Variants in SHTN1 observed in about 807,000 individuals in gnomAD.
SHTN1 encodes the protein shootin 1.
Under a neutral mutation model 83.1 loss-of-function variants are expected in SHTN1, and 42 were observed. The observed-to-expected ratio is 0.51, with a 90% CI of 0.39 to 0.65. The LOEUF is 0.65. Among genes scored for constraint, SHTN1 ranks in the 30% least tolerant of loss-of-function variants. The pLI, the probability that SHTN1 is intolerant of heterozygous loss-of-function variation, is 0.00. For missense variants in SHTN1, 622 were observed against 737.8 expected (o/e 0.84, Z 1.82); for synonymous variants, 224 against 247.7 (o/e 0.90, Z 0.90).
intron 1 of SHTN1, among the ~76,000 whole-genome samples, chr10:116,990,288 T>TTC (rs1391905341): frequency 0.014 from 5 of 370 alleles, no homozygotes; most frequent in African/African-American, 0.025. Flanking sequence ...TTTTTCTTTC[T>TTC]TTTTTTTTTT....
At chr10:117,090,684 A>G (rs1287896967) in intron 1 of SHTN1, among the ~76,000 whole-genome samples, 1 of 152,016 alleles carries the variant, frequency 6.6e-6, no homozygotes, top group East Asian at 1.9e-4. Context: ...ACACAAGGGC[A>G]CCTAGCTATG....
At chr10:117,007,459 T>C (rs1345219990), upstream of SHTN1, among the ~76,000 whole-genome samples, 1 of 150,296 alleles carries the variant, frequency 6.7e-6, no homozygotes, top group East Asian at 2.0e-4. Flanking sequence ...CCTCTTGCAA[T>C]TAATCCCATT....
rs947608554 is a variant in SHTN1 at position 117,113,086 on chromosome 10, G to A, written c.-189+13221C>T. Among the ~76,000 whole-genome samples, 4 of 152,202 alleles carry A rather than the reference G, an allele frequency of 2.6e-5. No homozygotes were observed. In the South Asian group the frequency reaches 8.3e-4, roughly 32 times the overall value. On this transcript the variant is annotated intron_variant, in intron 1 of 17. Transcript: ENST00000392901. ...ATTTATCACGATTAGGTCTGAAACT[G>A]CAGAGTTTTTATCTAGAAACAATAA... is the stretch of plus-strand genomic sequence containing the variant.
chr10:116,888,489 C>T (rs1001690973), intron 16 of SHTN1, among the ~76,000 whole-genome samples: 2 of 152,156 alleles, frequency 1.3e-5, no homozygotes, highest in African/African-American at 4.8e-5. Context: ...GCTGTTCTGA[C>T]AGTTGGGAGG....
intron 2 of SHTN1, among the ~76,000 whole-genome samples, chr10:117,013,337 C>A (rs968461127): frequency 6.6e-5 from 10 of 152,088 alleles, no homozygotes; most frequent in African/African-American, 2.4e-4. Flanking sequence ...CCACGCCCAC[C>A]TAATTTTTGT....
At chr10:117,037,066 A>G (rs1397998931) in intron 2 of SHTN1, among the ~76,000 whole-genome samples, 1 of 152,236 alleles carries the variant, frequency 6.6e-6, no homozygotes, top group African/African-American at 2.4e-5. Flanking sequence ...GCAAGGTTGC[A>G]GGATACAAGG....
chr10:117,085,918 A>ATTTTT (rs35586223), intron 1 of SHTN1, among the ~76,000 whole-genome samples: 10 of 121,084 alleles, frequency 8.3e-5, no homozygotes, highest in East Asian at 2.4e-4. Context: ...GCTTTGTCTG[A>ATTTTT]TTTTTTTTTT....
chr10:117,048,024 T>C (rs1852691500), intron 2 of SHTN1, among the ~76,000 whole-genome samples: 1 of 152,152 alleles, frequency 6.6e-6, no homozygotes, highest in Non-Finnish European at 1.5e-5. Context: ...AACAAACTAC[T>C]GAAGATCAGT....
chr10:116,924,904 C>A (rs1281399494), intron 11 of SHTN1, among the ~76,000 whole-genome samples: 1 of 151,844 alleles, frequency 6.6e-6, no homozygotes, highest in East Asian at 1.9e-4. Context: ...ACTACAGGCA[C>A]CCACCACGCC....
intron 12 of SHTN1, among the ~76,000 whole-genome samples, chr10:116,918,136 G>A (rs1040741458): frequency 2.0e-5 from 3 of 152,152 alleles, no homozygotes; most frequent in African/African-American, 4.8e-5. Flanking sequence ...ATAGAAATAT[G>A]CAGGATACTG....
chr10:116,916,217 A>C (rs1280046209), intron 12 of SHTN1, among the ~76,000 whole-genome samples: 1 of 152,228 alleles, frequency 6.6e-6, no homozygotes, highest in African/African-American at 2.4e-5. Context: ...AGAGGTGGAG[A>C]TGTGTATCAA....
At chr10:116,941,472 A>G (rs941350980) in intron 8 of SHTN1, among the ~76,000 whole-genome samples, 3 of 152,202 alleles carry the variant, frequency 2.0e-5, no homozygotes, top group African/African-American at 7.2e-5. Flanking sequence ...ACTCTACCCA[A>G]TTTGGCCAGT....
At chr10:117,086,902 G>A (rs1428278342) in intron 1 of SHTN1, among the ~76,000 whole-genome samples, 7 of 152,184 alleles carry the variant, frequency 4.6e-5, no homozygotes, top group Admixed American at 1.3e-4. Context: ...ACATACATAT[G>A]ATGGAATATT....
chr10:117,039,722 G>A (rs1164956510), intron 2 of SHTN1, among the ~76,000 whole-genome samples: 3 of 151,742 alleles, frequency 2.0e-5, no homozygotes, highest in Non-Finnish European at 4.4e-5. Context: ...GCGTGGTGGT[G>A]GGCACCTGTA....
At chr10:117,086,630 C>A (rs1853356822) in intron 1 of SHTN1, among the ~76,000 whole-genome samples, 1 of 152,090 alleles carries the variant, frequency 6.6e-6, no homozygotes. Flanking sequence ...TGTGGAGAAA[C>A]TGGAACCCTC....
chr10:117,103,663 G>A (rs567131536), intron 1 of SHTN1, among the ~76,000 whole-genome samples: 2 of 149,382 alleles, frequency 1.3e-5, no homozygotes, highest in African/African-American at 4.9e-5. Context: ...TCAGCCTCCC[G>A]AGAGCTGGGG....
intron 1 of SHTN1, among the ~76,000 whole-genome samples, chr10:117,081,872 G>A (rs892580562): frequency 1.1e-3 from 168 of 151,912 alleles, no homozygotes; most frequent in Admixed American, 2.6e-3. Flanking sequence ...CTGTGGGATC[G>A]GTGGTGACAT....
chr10:117,001,054 T>A (rs928602612), intron 1 of SHTN1, among the ~76,000 whole-genome samples: 2 of 152,080 alleles, frequency 1.3e-5, no homozygotes, highest in Non-Finnish European at 2.9e-5. Flanking sequence ...AATTGTATGA[T>A]GTTTTGTAAG....
chr10:116,900,672 T>C, intron 16 of SHTN1: 1 of 1,478,118 alleles, frequency 6.8e-7, no homozygotes, highest in Non-Finnish European at 8.9e-7. Flanking sequence ...TGATGTCAAA[T>C]TAGGTGTTAA....
Sources: gnomAD v4.1 joint callset for allele counts (sites outside exome capture counted in the v4.1 genomes callset) on GRCh38, gnomAD v4.1.1 for gene constraint, MANE v1.5 for transcripts, NCBI Gene and HGNC (gene_info 2026-07-23, HGNC 2026-07-21) for gene names.